RNF123: variants seen among roughly 807,000 people sequenced by gnomAD.
RNF123 encodes the protein ring finger protein 123.
A neutral mutation model predicts 168.5 loss-of-function variants in RNF123; 86 were observed. The ratio of observed to expected loss-of-function variants is 0.51; its 90% CI spans 0.43 to 0.61. The LOEUF is 0.61. Ranked by LOEUF, RNF123 falls within the 20% of genes least tolerant of loss-of-function variation. The probability of loss-of-function intolerance (pLI) is 0.00; values close to 1 mark genes in which losing one functional copy is unlikely to be tolerated. For missense variants in RNF123, 1,419 were observed against 1,729.7 expected (o/e 0.82, Z 3.19); for synonymous variants, 666 against 689.1 (o/e 0.97, Z 0.52).
At chr3:49,713,376 C>G in intron 27 of RNF123, 137 bp from the exon 28 acceptor site, 1 of 768,788 alleles carries the variant, frequency 1.3e-6, no homozygotes, top group South Asian at 1.7e-5. Flanking sequence ...CCCGATGTCC[C>G]CAGATGCCAC....
Position 49,699,352 on chromosome 3 carries a change from T to G in RNF123, c.765-116T>G. Reference sequence around the variant, plus strand: ...CCCTAGGGAGAATAAGTGGGCAAGTTGTGATGCAAACCAGCCCTGCCCTAG... The same window carrying G: ...CCCTAGGGAGAATAAGTGGGCAAGTGGTGATGCAAACCAGCCCTGCCCTAG... On this transcript the variant is annotated intron_variant, in intron 10 of 38. Transcript: ENST00000327697. This position sits in a 1 kb window ranked among gnomAD's most constrained non-coding sequence, Gnocchi z 4.8. 9.8e-7 allele frequency: 1 copy of G among 1,019,238 alleles called. No individual in the cohort carries two copies. The highest frequency in any genetic ancestry group is 2.3e-5 in the Admixed American group (1 of 42,948). The allele number at this position is 1,019,238 out of a possible 1,614,324, so 63.1% of individuals were successfully genotyped here. A position where few individuals can be genotyped will look rare whatever the true frequency, so the allele number is the denominator to read the frequency against.
chr3:49,720,651 G>GCCTGT lies in RNF123; in HGVS notation c.3642_3643insCTGTC (p.Tyr1215LeufsTer22). On this transcript the variant is annotated frameshift_variant and splice_region_variant, in exon 36 of 39. Transcript: ENST00000327697. LOFTEE classifies it high-confidence loss of function. ...GACCGGAAGCGCTTCTCCCTGCAGA[G>GCCTGT]CTGTGAGTGGGCTGGTGGGGCAGGT... The GCCTGT allele has an allele frequency of 6.3e-7, 1 of 1,598,922 alleles. No homozygotes were observed. Among genetic ancestry groups the GCCTGT allele is most frequent in the Non-Finnish European group, 8.6e-7 (1 of 1,169,306 alleles).
At position 49,714,095 on chromosome 3, in the gene RNF123, T is replaced by G; in HGVS notation, c.2931T>G (p.Cys977Trp). ...NWILVRLWRG[C>W]GFGYRYTRLP... ...ACTGACCCCCACCTCCACAGGGCTG[T>G]GGCTTCGGGTACCGCTATACACGGC... Residue 977 changes from cysteine to tryptophan, a missense_variant, in exon 31 of 39, where the codon TGT becomes TGG. This residue lies in a region of RNF123 where 538 missense variants were observed against 708.8 expected (regional missense o/e 0.76). Coordinates refer to ENST00000327697, the MANE Select transcript of RNF123 (RefSeq NM_022064.5). The G allele has an allele frequency of 6.2e-6, 10 of 1,614,094 alleles. No homozygotes were observed. Among genetic ancestry groups the G allele is most frequent in the Non-Finnish European group, 8.5e-6 (10 of 1,180,018 alleles).
chr3:49,718,208 G>A, intron 35 of RNF123: 1 of 1,612,382 alleles, frequency 6.2e-7, no homozygotes, highest in Non-Finnish European at 8.5e-7. Context: ...GGTGTTTGGG[G>A]CCAGCGGCGG....
intron 27 of RNF123, chr3:49,713,061 C>G: frequency 1.6e-6 from 1 of 624,086 alleles, no homozygotes; most frequent in African/African-American, 1.8e-5. Flanking sequence ...GGGGGTGGAC[C>G]CTGCTAGGGT....
intron 26 of RNF123, among the ~76,000 whole-genome samples, chr3:49,707,660 G>A (rs1398777730): frequency 6.6e-6 from 1 of 152,046 alleles, no homozygotes; most frequent in Non-Finnish European, 1.5e-5. Flanking sequence ...CTGGGTGATC[G>A]AGGCCTTTGG....
At chr3:49,694,604 C>T (rs1376309080) in intron 3 of RNF123, among the ~76,000 whole-genome samples, 1 of 152,230 alleles carries the variant, frequency 6.6e-6, no homozygotes, top group Non-Finnish European at 1.5e-5. Flanking sequence ...GGTTCTCCCT[C>T]CCTGCAGTGA....
In RNF123 at chr3:49,698,488, G is replaced by C; in HGVS notation, c.532G>C (p.Val178Leu). The change falls in exon 8 of 39, where the codon GTG becomes CTG. Residue 178 changes from valine (V) to leucine (L), a missense_variant. Physicochemically the swap from Val to Leu is conservative, Grantham distance 32. Around this residue, in one of 5 missense-constraint regions of RNF123, gnomAD observed 318 missense variants for 446.6 expected, o/e 0.71. Coordinates refer to ENST00000327697, the MANE Select transcript of RNF123 (RefSeq NM_022064.5). ...HNSYAYDGNR[V>L]RKWNVTTTNY... Reference sequence around the variant, plus strand: ...CTCCTATGCCTATGATGGCAACCGCGTGCGCAAGTGGAATGTGACCACAAC... The same window carrying C: ...CTCCTATGCCTATGATGGCAACCGCCTGCGCAAGTGGAATGTGACCACAAC... 6.2e-7 allele frequency: 1 copy of C among 1,613,960 alleles called. No individual in the cohort carries two copies. The highest frequency in any genetic ancestry group is 8.5e-7 in the Non-Finnish European group (1 of 1,180,020).
intron 35 of RNF123, 194 bp from the exon 36 acceptor site, chr3:49,720,317 G>GA (rs370438853): frequency 0.23 from 79,508 of 338,716 alleles, 22 homozygotes; most frequent in Middle Eastern, 0.31. Flanking sequence ...CTCGTCTCAA[G>GA]AAAAAAAAAA....
At chr3:49,698,858 T>C in intron 9 of RNF123, 36 bp downstream of exon 9, 1 of 1,609,480 alleles carries the variant, frequency 6.2e-7, no homozygotes. Flanking sequence ...GCCTGGCCCC[T>C]GGGGCCTCCC....
rs749342522 is a variant in RNF123 at position 49,699,619 on chromosome 3, T to C, written c.879+37T>C. On this transcript the variant is annotated intron_variant, in intron 11 of 38. Coordinates refer to ENST00000327697, the MANE Select transcript of RNF123 (RefSeq NM_022064.5). This position sits in a 1 kb window ranked among gnomAD's most constrained non-coding sequence, Gnocchi z 4.8. Reference sequence around the variant, plus strand: ...TCTGGGCCAGGCGGGGTGGGGGGCTTCCACAGCCTCCTGCCCCTCACACTT... The same window carrying C: ...TCTGGGCCAGGCGGGGTGGGGGGCTCCCACAGCCTCCTGCCCCTCACACTT... 1.2e-6 allele frequency: 2 copies of C among 1,611,372 alleles called. No individual in the cohort carries two copies. Among genetic ancestry groups the C allele is most frequent in the Admixed American group, 3.3e-5 (2 of 59,978 alleles).
intron 3 of RNF123, among the ~76,000 whole-genome samples, chr3:49,693,747 C>G (rs953793645): frequency 6.6e-6 from 1 of 152,192 alleles, no homozygotes; most frequent in Non-Finnish European, 1.5e-5. Flanking sequence ...TACAGGGGTT[C>G]CACAACCTCG....
chr3:49,716,751 C>T (rs1028462014), intron 35 of RNF123: 1 of 442,554 alleles, frequency 2.3e-6, no homozygotes, highest in East Asian at 4.0e-5. Context: ...GCATGGGAGG[C>T]AGGACTCCGG....
intron 3 of RNF123, 114 bp from the exon 4 acceptor site, chr3:49,697,029 T>A (rs1483846112): frequency 1.0e-5 from 9 of 876,246 alleles, no homozygotes; most frequent in Non-Finnish European, 1.5e-5. Context: ...GGCACAGCCC[T>A]TTTTCTGGAG....
chr3:49,706,204 G>A, intron 25 of RNF123, 139 bp downstream of exon 25: 2 of 774,356 alleles, frequency 2.6e-6, no homozygotes, highest in South Asian at 1.6e-5. Context: ...TGAGAGTGGG[G>A]CTGGCAGCAA....
At chr3:49,694,230 C>G (rs914321138) in intron 3 of RNF123, among the ~76,000 whole-genome samples, 3 of 152,180 alleles carry the variant, frequency 2.0e-5, no homozygotes, top group Non-Finnish European at 4.4e-5. Flanking sequence ...ATACAATAAA[C>G]TACACATACT....
intron 26 of RNF123, among the ~76,000 whole-genome samples, chr3:49,712,096 A>G (rs2080154644): frequency 6.6e-6 from 1 of 151,968 alleles, no homozygotes; most frequent in Non-Finnish European, 1.5e-5. Context: ...GCGGTATCAC[A>G]TACCTGTAGT....
Position 49,701,563 on chromosome 3 carries a change from G to C in RNF123, c.1350G>C (p.Gln450His). ...SPLRVEEAGLQELIPTTWWPH... is the reference protein window; with the variant it reads ...SPLRVEEAGLHELIPTTWWPH... ...TGCGTGTGGAGGAGGCCGGCCTGCAGGAGCTCATTCCCACCACCTGGTGGC... is the reference window on the plus strand; with the variant it reads ...TGCGTGTGGAGGAGGCCGGCCTGCACGAGCTCATTCCCACCACCTGGTGGC... Residue 450 changes from glutamine to histidine, a missense_variant, in exon 16 of 39, where the codon CAG becomes CAC. Transcript: ENST00000327697. 1 of 1,613,838 alleles carries C rather than the reference G, an allele frequency of 6.2e-7. No homozygotes were observed. Among genetic ancestry groups the C allele is most frequent in the South Asian group, 1.1e-5 (1 of 91,088 alleles).
intron 3 of RNF123, among the ~76,000 whole-genome samples, chr3:49,696,231 G>A (rs1168428764): frequency 1.3e-5 from 2 of 152,172 alleles, no homozygotes; most frequent in African/African-American, 4.8e-5. Context: ...CTTTGAGAGC[G>A]GACAGGTTAT....
Sources: gnomAD v4.1 joint callset for allele counts (sites outside exome capture counted in the v4.1 genomes callset) on GRCh38, gnomAD v4.1.1 for gene constraint, gnomAD v4.1.1 regional missense constraint, Gnocchi (gnomAD v3.1) non-coding constraint, MANE v1.5 for transcripts, NCBI Gene and HGNC (gene_info 2026-07-23, HGNC 2026-07-21) for gene names.